The following GALNT18 variants were observed in gnomAD, a reference collection of about 807,000 sequenced individuals.
GALNT18 encodes GalNAc-transferase 18.
GALNT18 carries 44 observed loss-of-function variants against 69.5 expected under a neutral mutation model. The ratio of observed to expected loss-of-function variants is 0.63; its 90% CI spans 0.50 to 0.81. GALNT18 has a LOEUF of 0.81. Among genes scored for constraint, GALNT18 ranks in the 40% least tolerant of loss-of-function variants. GALNT18 has a pLI of 0.00. For synonymous variants in GALNT18, 364 were observed against 318.2 expected (o/e 1.14, Z -1.53); for missense variants, 715 against 810.0 (o/e 0.88, Z 1.42).
At position 11,377,104 on chromosome 11, in the gene GALNT18, G is replaced by T; in HGVS notation, c.977+78C>A. ...TCCCCACGATGGGGCTCAAGTTGGA[G>T]AATAAGCATTGGACCAGTAGGCGGT... On this transcript the variant is annotated intron_variant, in intron 5 of 10. Coordinates refer to ENST00000227756, the MANE Select transcript of GALNT18 (RefSeq NM_198516.3). This position sits in a 1 kb window ranked among gnomAD's most constrained non-coding sequence, Gnocchi z 4.6. The T allele has an allele frequency of 3.6e-6, 5 of 1,381,978 alleles. No homozygotes were observed. The highest frequency in any genetic ancestry group is 4.1e-6 in the Non-Finnish European group (4 of 984,116). 85.6% of individuals were successfully genotyped at this position (1,381,978 alleles called of 1,614,324 possible).
At chr11:11,292,283 C>T (rs1467989367) in intron 10 of GALNT18, among the ~76,000 whole-genome samples, 1 of 152,132 alleles carries the variant, frequency 6.6e-6, no homozygotes, top group African/African-American at 2.4e-5. Context: ...TAGCAGATTC[C>T]CTGGTGACTA....
At position 11,584,535 on chromosome 11, in the gene GALNT18, C is replaced by T. The variant is rs546775064; in HGVS notation, c.235+36824G>A. Reference sequence around the variant, plus strand: ...GAAGCACGTCTGAACACGTAAGGACCGAGAGGCGAGTCTTCAGTGAAACAC... The same window carrying T: ...GAAGCACGTCTGAACACGTAAGGACTGAGAGGCGAGTCTTCAGTGAAACAC... On this transcript the variant is annotated intron_variant, in intron 1 of 10. Transcript: ENST00000227756. This position sits in a 1 kb window ranked among gnomAD's most constrained non-coding sequence, Gnocchi z 4.1. Among the ~76,000 whole-genome samples, 32 of 152,174 alleles carry T rather than the reference C, an allele frequency of 2.1e-4. No individual in the cohort carries two copies. Among genetic ancestry groups the T allele is most frequent in the Admixed American group, 1.7e-3 (26 of 15,272 alleles).
intron 3 of GALNT18, among the ~76,000 whole-genome samples, chr11:11,408,782 C>T (rs1376378758): frequency 6.6e-6 from 1 of 152,134 alleles, no homozygotes; most frequent in African/African-American, 2.4e-5. Flanking sequence ...CACCCTCACC[C>T]CTGACCATAA....
At chr11:11,420,427 C>G (rs1854978734) in intron 3 of GALNT18, among the ~76,000 whole-genome samples, 1 of 152,152 alleles carries the variant, frequency 6.6e-6, no homozygotes, top group African/African-American at 2.4e-5. Flanking sequence ...CCACTTTTTG[C>G]CGAGCACTGA....
intron 1 of GALNT18, among the ~76,000 whole-genome samples, chr11:11,460,450 C>T (rs1050904124): frequency 6.6e-6 from 1 of 152,216 alleles, no homozygotes; most frequent in Non-Finnish European, 1.5e-5. Context: ...TGTGAACACA[C>T]CCCGTACAAT....
At chr11:11,485,358 C>T (rs1238358385) in intron 1 of GALNT18, among the ~76,000 whole-genome samples, 1 of 152,170 alleles carries the variant, frequency 6.6e-6, no homozygotes, top group African/African-American at 2.4e-5. Flanking sequence ...ACCCCCTCCT[C>T]GGTGTGATTA....
intron 6 of GALNT18, among the ~76,000 whole-genome samples, chr11:11,348,551 T>G (rs7935484): frequency 6.6e-6 from 1 of 151,942 alleles, no homozygotes; most frequent in African/African-American, 2.4e-5. Flanking sequence ...CCCACACTGG[T>G]AACCTTTAGT....
At chr11:11,509,677 T>A (rs1377709458) in intron 1 of GALNT18, among the ~76,000 whole-genome samples, 1 of 152,228 alleles carries the variant, frequency 6.6e-6, no homozygotes, top group Non-Finnish European at 1.5e-5. Context: ...CCTCAGCACA[T>A]CTCATCAGAA....
At chr11:11,384,993 G>A (rs1377154405) in intron 3 of GALNT18, among the ~76,000 whole-genome samples, 1 of 152,194 alleles carries the variant, frequency 6.6e-6, no homozygotes, top group Non-Finnish European at 1.5e-5. Context: ...TTTGGCTCAT[G>A]GTTCTGCAGG....
intron 1 of GALNT18, among the ~76,000 whole-genome samples, chr11:11,504,395 T>C (rs1227681765): frequency 6.6e-6 from 1 of 152,038 alleles, no homozygotes; most frequent in Admixed American, 6.6e-5. Flanking sequence ...GTAACAAGCA[T>C]TTTATTCTGC....
In GALNT18 at chr11:11,542,601, TGTAGA is replaced by T. The variant is rs1857953741; in HGVS notation, c.235+78753_235+78757del. Among the ~76,000 whole-genome samples, 1 of 152,222 alleles carries T rather than the reference TGTAGA, an allele frequency of 6.6e-6. No homozygotes were observed. The highest frequency in any genetic ancestry group is 2.4e-5 in the African/African-American group (1 of 41,448). Reference sequence around the variant, plus strand: ...AAGGAACTAGGTGTCAAAAAGAGAATGTAGAGTAAAGAGGTCAAGAACATTGATTC... The same window carrying T: ...AAGGAACTAGGTGTCAAAAAGAGAATGTAAAGAGGTCAAGAACATTGATTC... On this transcript the variant is annotated intron_variant, in intron 1 of 10. Transcript: ENST00000227756. The surrounding 1 kb of genome is among the most constrained non-coding windows in gnomAD (Gnocchi z 4.3).
chr11:11,540,086 C>A lies in GALNT18; in HGVS notation c.235+81273G>T, dbSNP rs1469152303. ...CTGGCACCCCAGCCCCACCCACCAC[C>A]ATCTCTCTGGGCCTCGGTTTCTTTT... On this transcript the variant is annotated intron_variant, in intron 1 of 10. Coordinates refer to ENST00000227756, the MANE Select transcript of GALNT18 (RefSeq NM_198516.3). This position sits in a 1 kb window ranked among gnomAD's most constrained non-coding sequence, Gnocchi z 4.6. Among the ~76,000 whole-genome samples, 1 of 152,192 alleles carries A rather than the reference C, an allele frequency of 6.6e-6. No homozygotes were observed. Among genetic ancestry groups the A allele is most frequent in the Non-Finnish European group, 1.5e-5 (1 of 68,030 alleles).
chr11:11,394,280 T>G (rs1854268646), intron 3 of GALNT18, among the ~76,000 whole-genome samples: 1 of 152,140 alleles, frequency 6.6e-6, no homozygotes, highest in South Asian at 2.1e-4. Flanking sequence ...AAAAACAGAA[T>G]GCATAAAGGC....
chr11:11,594,331 T>C (rs1306740337), intron 1 of GALNT18, among the ~76,000 whole-genome samples: 4 of 152,222 alleles, frequency 2.6e-5, no homozygotes, highest in Non-Finnish European at 5.9e-5. Context: ...TTTCATACCA[T>C]AACAGCGACG....
In GALNT18 at chr11:11,587,810, C is replaced by T. The variant is rs1479534232; in HGVS notation, c.235+33549G>A. On this transcript the variant is annotated intron_variant, in intron 1 of 10. Transcript: ENST00000227756. This position sits in a 1 kb window ranked among gnomAD's most constrained non-coding sequence, Gnocchi z 4.4. ...GCCCACCCCATCTCTAGCCCCCACC[C>T]TTTCATTTCATGAACCTCTTCTATG... Among the ~76,000 whole-genome samples, 1 of 152,144 alleles carries T rather than the reference C, an allele frequency of 6.6e-6. No individual in the cohort carries two copies. Among genetic ancestry groups the T allele is most frequent in the Admixed American group, 6.5e-5 (1 of 15,284 alleles).
chr11:11,457,050 A>T (rs1467684709), intron 1 of GALNT18, among the ~76,000 whole-genome samples: 1 of 152,238 alleles, frequency 6.6e-6, no homozygotes, highest in Non-Finnish European at 1.5e-5. Context: ...AAGCAAGAGG[A>T]GCACATCTGG....
chr11:11,576,171 C>T (rs536851677), intron 1 of GALNT18, among the ~76,000 whole-genome samples: 56 of 152,308 alleles, frequency 3.7e-4, no homozygotes, highest in Non-Finnish European at 6.2e-4. Flanking sequence ...CCAGGCTGCC[C>T]TTCTCTAGCC....
chr11:11,364,827 G>A lies in GALNT18; in HGVS notation c.1092+7688C>T, dbSNP rs1184350558. ...AATATTTTTGATGAAATGATATGAT[G>A]TCTGGGATTTCCCTCAAAATAACTA... On this transcript the variant is annotated intron_variant, in intron 6 of 10. Coordinates refer to ENST00000227756, the MANE Select transcript of GALNT18 (RefSeq NM_198516.3). Among the ~76,000 whole-genome samples, 11 of 152,252 alleles carry A rather than the reference G, an allele frequency of 7.2e-5. No homozygotes were observed. The East Asian group carries it at 1.9e-3, about 27-fold the overall frequency.
chr11:11,338,478 G>A lies in GALNT18; in HGVS notation c.1278+2341C>T, dbSNP rs1850150469. 6.6e-6 allele frequency among the ~76,000 whole-genome samples: 1 copy of A among 152,172 alleles called. No homozygotes were observed. The highest frequency in any genetic ancestry group is 2.1e-4 in the South Asian group (1 of 4,828). On this transcript the variant is annotated intron_variant, in intron 7 of 10. Coordinates refer to ENST00000227756, the MANE Select transcript of GALNT18 (RefSeq NM_198516.3). The surrounding 1 kb of genome is among the most constrained non-coding windows in gnomAD (Gnocchi z 5.3). The stretch of plus-strand genomic sequence containing the variant: ...AGGGCTTGTGATTGACTGGGACAGG[G>A]CATTGAGAGAGAGGAAGATTGAAGG...
Sources: allele counts gnomAD v4.1 joint callset (sites outside exome capture counted in the v4.1 genomes callset), GRCh38; gene constraint gnomAD v4.1.1; non-coding constraint Gnocchi (gnomAD v3.1); transcripts MANE v1.5; gene names NCBI Gene and HGNC (gene_info 2026-07-23, HGNC 2026-07-21).